TRA2A: variants seen among roughly 807,000 people sequenced by gnomAD.
The protein encoded by TRA2A is transformer 2 alpha homolog, also known as transformer-2 protein homolog alpha.
In TRA2A, 31 loss-of-function variants were observed where a neutral mutation model predicts 45.7. That is an observed-to-expected ratio of 0.68 (90% CI 0.51 to 0.92). TRA2A has a LOEUF of 0.92. Ranked by LOEUF, TRA2A falls within the 40% of genes least tolerant of loss-of-function variation. TRA2A has a pLI of 0.00. For synonymous variants in TRA2A, 132 were observed against 126.2 expected, an observed-to-expected ratio of 1.05 and a Z score of -0.31; for missense variants, 304 against 367.5, an observed-to-expected ratio of 0.83 and a Z score of 1.41.
chr7:23,507,370 C>T, intron 5 of TRA2A, 50 bp downstream of exon 5: 38 of 1,483,566 alleles, frequency 2.6e-5, no homozygotes, highest in Non-Finnish European at 3.4e-5. Flanking sequence ...AAATTTTGCA[C>T]ATATTTCTGG....
chr7:23,511,074 A>T (rs1429485737), intron 4 of TRA2A, among the ~76,000 whole-genome samples: 1 of 152,024 alleles, frequency 6.6e-6, no homozygotes, highest in African/African-American at 2.4e-5. Context: ...ACTGTTTTTA[A>T]AAGATAGCCT....
chr7:23,510,856 C>T (rs187610089), intron 4 of TRA2A, among the ~76,000 whole-genome samples: 8 of 151,584 alleles, frequency 5.3e-5, no homozygotes, highest in Admixed American at 2.6e-4. Context: ...AAAAAAAAAT[C>T]ATAAGACTGA....
chr7:23,522,570 A>T (rs996542873), intron 1 of TRA2A: 2 of 183,320 alleles, frequency 1.1e-5, no homozygotes, highest in African/African-American at 2.4e-5. Flanking sequence ...AAAAAAAAAA[A>T]AAAACAATTT....
At chr7:23,508,821 G>C (rs1789460092) in intron 4 of TRA2A, among the ~76,000 whole-genome samples, 1 of 151,714 alleles carries the variant, frequency 6.6e-6, no homozygotes, top group Non-Finnish European at 1.5e-5. Flanking sequence ...GTAGAGACAA[G>C]ATCTGTTGCC....
chr7:23,525,819 C>T (rs1020222867), intron 1 of TRA2A, among the ~76,000 whole-genome samples: 20 of 152,208 alleles, frequency 1.3e-4, no homozygotes, highest in African/African-American at 4.8e-4. Context: ...TGGCCTCGAA[C>T]TCCTGACCTC....
Position 23,513,053 on chromosome 7 carries a change from T to A in TRA2A, c.366A>T (p.Gly122=). 1 of 1,608,720 alleles carries A rather than the reference T, an allele frequency of 6.2e-7. No homozygotes were observed. Among genetic ancestry groups the A allele is most frequent in the Non-Finnish European group, 8.5e-7 (1 of 1,178,020 alleles). Reference sequence around the variant, plus strand: ...TTGTGTACAAACTGAGGCCAAACACTCCAAGGCAAGTGTTGGGATCTGGAT... The same window carrying A: ...TTGTGTACAAACTGAGGCCAAACACACCAAGGCAAGTGTTGGGATCTGGAT... ...RANPDPNTCL[G]VFGLSLYTTE... Residue 122 remains glycine, a synonymous_variant, in exon 4 of 8, where the codon GGA becomes GGT. Transcript: ENST00000297071.
rs567187750 is a variant in TRA2A at position 23,511,370 on chromosome 7, C to CA, written c.525+1523dup. On this transcript the variant is annotated intron_variant, in intron 4 of 7. Coordinates refer to ENST00000297071, the MANE Select transcript of TRA2A (RefSeq NM_013293.5). ...TGGGCGACAGAGCGAGACTCCATCTCAAAAAAAAAAAAAAAAAAAAAAAAA... is the reference window on the plus strand; with the variant it reads ...TGGGCGACAGAGCGAGACTCCATCTCAAAAAAAAAAAAAAAAAAAAAAAAAA... Among the ~76,000 whole-genome samples, 11 of 40,108 alleles carry CA rather than the reference C, an allele frequency of 2.7e-4. 1 individual carries two copies. Among genetic ancestry groups the CA allele is most frequent in the Non-Finnish European group, 5.1e-4 (11 of 21,512 alleles). The allele number at this position is 40,108 out of a possible 152,430, so 26.3% of individuals were successfully genotyped here.
At position 23,506,211 on chromosome 7, in the gene TRA2A, G is replaced by A. The variant is rs1336123987; in HGVS notation, c.697C>T (p.Arg233Cys). 5 of 1,612,984 alleles carry A rather than the reference G, an allele frequency of 3.1e-6. No individual in the cohort carries two copies. The highest frequency in any genetic ancestry group is 3.4e-6 in the Non-Finnish European group (4 of 1,179,438). The change falls in exon 6 of 8, where the codon CGT (arginine) becomes TGT (cysteine). Residue 233 changes from arginine (R) to cysteine (C), a missense_variant. Physicochemically the swap from Arg to Cys is radical, Grantham distance 180 (BLOSUM62 -3). This residue lies in a region of TRA2A where 130 missense variants were observed against 217.1 expected (regional missense o/e 0.60). Coordinates refer to ENST00000297071, the MANE Select transcript of TRA2A (RefSeq NM_013293.5). ...GGGGGGGGGR[R>C]RDSYYDRGYD... ...CCTCTATCATAGTAAGAATCTCGACGTCTGCCACCACCTCCACCTCCACCG... is the reference window on the plus strand; with the variant it reads ...CCTCTATCATAGTAAGAATCTCGACATCTGCCACCACCTCCACCTCCACCG...
intron 1 of TRA2A, among the ~76,000 whole-genome samples, chr7:23,529,730 C>T (rs1790492444): frequency 6.6e-6 from 1 of 152,124 alleles, no homozygotes; most frequent in Non-Finnish European, 1.5e-5. Context: ...CTAAAATACA[C>T]TTGGGTACCA....
rs981622389 is a variant in TRA2A at position 23,531,944 on chromosome 7, C to T, written c.-120G>A. On this transcript the variant is annotated 5_prime_UTR_variant, in exon 1 of 8. Transcript: ENST00000297071. ...GAAAGAGTCGGCAACCACAGCCGCTCCACTCCACTCCCACTCGGTCGCAGG... is the reference window on the plus strand; with the variant it reads ...GAAAGAGTCGGCAACCACAGCCGCTTCACTCCACTCCCACTCGGTCGCAGG... 9.5e-7 allele frequency: 1 copy of T among 1,049,242 alleles called. No homozygotes were observed. The highest frequency in any genetic ancestry group is 1.6e-5 in the African/African-American group (1 of 63,432). The allele number at this position is 1,049,242 out of a possible 1,614,324, so 65.0% of individuals were successfully genotyped here. A position where few individuals can be genotyped will look rare whatever the true frequency, so the allele number is the denominator to read the frequency against.
At chr7:23,506,370 T>C (rs1562784606) in intron 5 of TRA2A, 104 bp from the exon 6 acceptor site, 1 of 1,345,270 alleles carries the variant, frequency 7.4e-7, no homozygotes, top group Non-Finnish European at 9.7e-7. Flanking sequence ...AGGAAGAACA[T>C]CCCTTTCATG....
chr7:23,523,868 AG>A (rs1790234650), intron 1 of TRA2A, among the ~76,000 whole-genome samples: 2 of 152,198 alleles, frequency 1.3e-5, no homozygotes, highest in East Asian at 3.8e-4. Context: ...AACTCATAAG[AG>A]TATCTTCCCC....
chr7:23,520,441 A>G (rs986835803), intron 2 of TRA2A, among the ~76,000 whole-genome samples: 1 of 152,232 alleles, frequency 6.6e-6, no homozygotes, highest in African/African-American at 2.4e-5. Context: ...CTAAGCTCAA[A>G]TTCTAGCCAG....
At chr7:23,507,162 G>T in intron 5 of TRA2A, 1 of 449,704 alleles carries the variant, frequency 2.2e-6, no homozygotes, top group Non-Finnish European at 4.0e-6. Context: ...GTCTCACTCT[G>T]TTGCCCAGGC....
intron 2 of TRA2A, among the ~76,000 whole-genome samples, chr7:23,519,220 C>T (rs536213905): frequency 2.8e-4 from 43 of 152,124 alleles, no homozygotes; most frequent in African/African-American, 9.2e-4. Context: ...GATAAAACCC[C>T]GTCTCTATTA....
intron 1 of TRA2A, among the ~76,000 whole-genome samples, chr7:23,524,645 T>C (rs1790267117): frequency 1.3e-5 from 2 of 152,152 alleles, no homozygotes; most frequent in Non-Finnish European, 2.9e-5. Flanking sequence ...ACAGTCCTCT[T>C]AGCTGTCTCT....
intron 4 of TRA2A, among the ~76,000 whole-genome samples, chr7:23,512,395 G>A (rs1185754619): frequency 6.6e-6 from 1 of 152,154 alleles, no homozygotes; most frequent in Non-Finnish European, 1.5e-5. Flanking sequence ...GAGGTAGGAG[G>A]ACTGCTTGAG....
intron 2 of TRA2A, among the ~76,000 whole-genome samples, chr7:23,517,557 C>G (rs1584128178): frequency 7.0e-6 from 1 of 142,550 alleles, no homozygotes; most frequent in Admixed American, 7.3e-5. Flanking sequence ...CTAGCCCAGG[C>G]AACATAGCAA....
rs1562785597 is a variant in TRA2A, at chr7:23,507,427, G to A, written c.634C>T (p.Pro212Ser). Residue 212 changes from proline to serine, a missense_variant, in exon 5 of 8, where the codon CCA becomes TCA. Around this residue, in one of 3 missense-constraint regions of TRA2A, gnomAD observed 130 missense variants for 217.1 expected, o/e 0.60. Transcript: ENST00000297071. ...GGAAACTTGAACTCTTACTGAGTTG[G>A]TCTGCCCATGTAGATGCCTGGTGTT... ...TPTPGIYMGR[P>S]THSGGGGGGG... 1 of 1,613,004 alleles carries A rather than the reference G, an allele frequency of 6.2e-7. No homozygotes were observed. The highest frequency in any genetic ancestry group is 1.3e-5 in the African/African-American group (1 of 75,034).
Sources: allele counts gnomAD v4.1 joint callset (sites outside exome capture counted in the v4.1 genomes callset), GRCh38; gene constraint gnomAD v4.1.1; regional missense constraint gnomAD v4.1.1; transcripts MANE v1.5; gene names NCBI Gene and HGNC (gene_info 2026-07-23, HGNC 2026-07-21).